Variants in PDE1B observed in about 807,000 individuals in gnomAD.
The protein encoded by PDE1B is dual specificity calcium/calmodulin-dependent 3',5'-cyclic nucleotide phosphodiesterase 1B.
In PDE1B, 13 loss-of-function variants were observed where a neutral mutation model predicts 66.7. The observed-to-expected ratio is 0.19, with a 90% CI of 0.13 to 0.31. PDE1B has a LOEUF of 0.31. Among genes scored for constraint, PDE1B ranks in the 10% least tolerant of loss-of-function variants. PDE1B has a pLI of 1.00. For missense variants in PDE1B, 485 were observed against 682.3 expected, an observed-to-expected ratio of 0.71 and a Z score of 3.22; for synonymous variants, 230 against 253.9, an observed-to-expected ratio of 0.91 and a Z score of 0.90.
intron 2 of PDE1B, among the ~76,000 whole-genome samples, chr12:54,560,471 T>C (rs1472943144): frequency 6.6e-6 from 1 of 152,182 alleles, no homozygotes; most frequent in Non-Finnish European, 1.5e-5. Context: ...CCTGAACTCT[T>C]TTCCCCAATG....
Position 54,575,690 on chromosome 12 carries a change from G to T in PDE1B, c.1267+58G>T. 1 of 1,220,006 alleles carries T rather than the reference G, an allele frequency of 8.2e-7. No homozygotes were observed. The allele number at this position is 1,220,006 out of a possible 1,614,324, so 75.6% of individuals were successfully genotyped here. A position where few individuals can be genotyped will look rare whatever the true frequency, so the allele number is the denominator to read the frequency against. ...TGGGAGGGGGAAAAGATGCTGCCTG[G>T]GTCAGGATTGCTCCAAGTCCTCAAT... On this transcript the variant is annotated intron_variant, in intron 12 of 15. Transcript: ENST00000243052. The surrounding 1 kb of genome is among the most constrained non-coding windows in gnomAD (Gnocchi z 4.0).
Position 54,549,845 on chromosome 12 carries a change from CCTT to C in PDE1B, c.-13-12_-13-10del, listed in dbSNP as rs1957248762. ...AAGCTGAGCCGAGGTGCTGTCTCCTCCTTCTGTTCCGTAGACCGTGGCTGAGCA... is the reference window on the plus strand; with the variant it reads ...AAGCTGAGCCGAGGTGCTGTCTCCTCCTGTTCCGTAGACCGTGGCTGAGCA... On this transcript the variant is annotated splice_polypyrimidine_tract_variant and intron_variant, in intron 1 of 15. Coordinates refer to ENST00000243052, the MANE Select transcript of PDE1B (RefSeq NM_000924.4). 1.9e-6 allele frequency: 3 copies of C among 1,566,656 alleles called. No individual in the cohort carries two copies. Among genetic ancestry groups the C allele is most frequent in the East Asian group, 2.2e-5 (1 of 44,624 alleles).
chr12:54,561,659 A>AGGAAGG, intron 2 of PDE1B: 1 of 1,511,608 alleles, frequency 6.6e-7, no homozygotes, highest in African/African-American at 1.4e-5. Context: ...GGATGAGAAG[A>AGGAAGG]GGAAGGGGGA....
chr12:54,550,562 G>C (rs117238430), intron 2 of PDE1B, among the ~76,000 whole-genome samples: 2,301 of 152,242 alleles, frequency 0.015, 30 homozygotes, highest in Non-Finnish European at 0.025. Flanking sequence ...TTGGGGCCTG[G>C]AAACTCACTC....
chr12:54,572,859 G>A, intron 7 of PDE1B, 118 bp downstream of exon 7: 1 of 1,062,462 alleles, frequency 9.4e-7, no homozygotes, highest in Non-Finnish European at 1.4e-6. Flanking sequence ...GCACTCCAAA[G>A]CCTTGACAGA....
intron 1 of PDE1B, 31 bp from the exon 2 acceptor site, chr12:54,549,829 C>G (rs1448210671): frequency 2.0e-6 from 3 of 1,471,782 alleles, no homozygotes; most frequent in Non-Finnish European, 2.8e-6. Flanking sequence ...GAAGCTGAGC[C>G]GAGGTGCTGT....
chr12:54,550,051 G>T (rs950565901), intron 2 of PDE1B, 66 bp downstream of exon 2: 1 of 1,567,042 alleles, frequency 6.4e-7, no homozygotes, highest in African/African-American at 1.4e-5. Context: ...GAGGAGGGGG[G>T]ATAACTGGAG....
At position 54,557,646 on chromosome 12, in the gene PDE1B, C is replaced by T. The variant is rs541974422; in HGVS notation, c.113+7661C>T. Among the ~76,000 whole-genome samples the T allele has an allele frequency of 2.6e-5, 4 of 152,350 alleles. No individual in the cohort carries two copies. The South Asian group carries it at 8.3e-4, about 32-fold the overall frequency. ...TCTGATGCTGCCCTCATCACACTTG[C>T]AGTCAGACTCTTGCTAAGCTTTTAA... On this transcript the variant is annotated intron_variant, in intron 2 of 15. Coordinates refer to ENST00000243052, the MANE Select transcript of PDE1B (RefSeq NM_000924.4).
intron 2 of PDE1B, among the ~76,000 whole-genome samples, chr12:54,558,343 AT>A (rs1345298089): frequency 6.9e-6 from 1 of 145,358 alleles, no homozygotes; most frequent in Non-Finnish European, 1.5e-5. Flanking sequence ...CCCTTTCCTC[AT>A]CCCACCCCCA....
intron 2 of PDE1B, among the ~76,000 whole-genome samples, chr12:54,565,719 C>T (rs1305876789): frequency 6.6e-6 from 1 of 152,174 alleles, no homozygotes; most frequent in Non-Finnish European, 1.5e-5. Flanking sequence ...GATTGCTAGG[C>T]CCTGAGGTGA....
chr12:54,569,746 A>G lies in PDE1B; in HGVS notation c.477+134A>G. On this transcript the variant is annotated intron_variant, in intron 5 of 15. Coordinates refer to ENST00000243052, the MANE Select transcript of PDE1B (RefSeq NM_000924.4). The surrounding 1 kb of genome is among the most constrained non-coding windows in gnomAD (Gnocchi z 4.4). Reference sequence around the variant, plus strand: ...AAATGGAGTCTCGCTCTTGTCACTCAGGCTGGAGTGCAGTGGCGTGATCTC... The same window carrying G: ...AAATGGAGTCTCGCTCTTGTCACTCGGGCTGGAGTGCAGTGGCGTGATCTC... The G allele has an allele frequency of 1.6e-6, 1 of 643,214 alleles. No individual in the cohort carries two copies. Among genetic ancestry groups the G allele is most frequent in the Non-Finnish European group, 2.8e-6 (1 of 361,882 alleles). The allele number at this position is 643,214 out of a possible 1,614,324, so 39.8% of individuals were successfully genotyped here. A position where few individuals can be genotyped will look rare whatever the true frequency, so the allele number is the denominator to read the frequency against.
intron 2 of PDE1B, among the ~76,000 whole-genome samples, chr12:54,557,938 C>T (rs1431899590): frequency 1.3e-5 from 2 of 152,010 alleles, no homozygotes; most frequent in African/African-American, 4.8e-5. Flanking sequence ...CCCAATTCCT[C>T]TCTCTCTCAA....
At chr12:54,561,471 A>C in intron 2 of PDE1B, 2 of 1,361,090 alleles carry the variant, frequency 1.5e-6, no homozygotes, top group South Asian at 3.5e-5. Flanking sequence ...GCTCAGTTCT[A>C]CTGGGACCTG....
chr12:54,568,593 C>T (rs1957559065), intron 3 of PDE1B, among the ~76,000 whole-genome samples: 1 of 151,604 alleles, frequency 6.6e-6, no homozygotes, highest in African/African-American at 2.4e-5. Context: ...GCCTATAATC[C>T]CAGCACTTTG....
intron 2 of PDE1B, among the ~76,000 whole-genome samples, chr12:54,559,942 C>T (rs1957385076): frequency 6.6e-6 from 1 of 152,184 alleles, no homozygotes. Context: ...GTCCTCATCT[C>T]CTGGGTGGCA....
chr12:54,576,608 G>A lies in PDE1B; in HGVS notation c.1414G>A (p.Gly472Arg). 6.2e-7 allele frequency: 1 copy of A among 1,614,060 alleles called. No individual in the cohort carries two copies. Among genetic ancestry groups the A allele is most frequent in the Non-Finnish European group, 8.5e-7 (1 of 1,180,006 alleles). Residue 472 changes from glycine (G) to arginine (R), a missense_variant, in exon 14 of 16, where the codon GGA (glycine) becomes AGA (arginine). Coordinates refer to ENST00000243052, the MANE Select transcript of PDE1B (RefSeq NM_000924.4). ...CCAGCCCTCTCTGGATGTGGAAGTGGGAGACCCCAACCCTGATGTGGTCAG... is the reference window on the plus strand; with the variant it reads ...CCAGCCCTCTCTGGATGTGGAAGTGAGAGACCCCAACCCTGATGTGGTCAG... Reference protein sequence around the residue: ...WRQPSLDVEVGDPNPDVVSFR... With the variant: ...WRQPSLDVEVRDPNPDVVSFR...
intron 2 of PDE1B, among the ~76,000 whole-genome samples, chr12:54,553,043 A>G (rs1957298434): frequency 6.6e-6 from 1 of 152,240 alleles, no homozygotes; most frequent in South Asian, 2.1e-4. Flanking sequence ...GGCATGCTGG[A>G]TGCTGAGAAT....
Position 54,573,497 on chromosome 12 carries a change from A to C in PDE1B, c.962+17A>C, listed in dbSNP as rs752349757. The C allele has an allele frequency of 1.7e-5, 28 of 1,614,014 alleles. No individual in the cohort carries two copies. In the Admixed American group the frequency reaches 4.5e-4, roughly 26 times the overall value. Reference sequence around the variant, plus strand: ...TGAGTTTGTGTGAGCAGAAGCCAGTACTTGGCATCCCTAAGAGACTCCCTT... The same window carrying C: ...TGAGTTTGTGTGAGCAGAAGCCAGTCCTTGGCATCCCTAAGAGACTCCCTT... On this transcript the variant is annotated intron_variant, in intron 9 of 15. Coordinates refer to ENST00000243052, the MANE Select transcript of PDE1B (RefSeq NM_000924.4). This position sits in a 1 kb window ranked among gnomAD's most constrained non-coding sequence, Gnocchi z 5.2.
At chr12:54,572,453 C>T (rs1484977177) in intron 6 of PDE1B, 148 bp from the exon 7 acceptor site, 51 of 729,772 alleles carry the variant, frequency 7.0e-5, no homozygotes, top group South Asian at 4.0e-4. Flanking sequence ...GTGGTAGAGG[C>T]AGGATATGAG....
Sources: gnomAD v4.1 joint callset for allele counts (sites outside exome capture counted in the v4.1 genomes callset) on GRCh38, gnomAD v4.1.1 for gene constraint, Gnocchi (gnomAD v3.1) non-coding constraint, MANE v1.5 for transcripts, NCBI Gene and HGNC (gene_info 2026-07-23, HGNC 2026-07-21) for gene names.